Variants in GSTCD observed in about 807,000 individuals in gnomAD.
The protein encoded by GSTCD is glutathione S-transferase C-terminal domain containing.
GSTCD carries 44 observed loss-of-function variants against 68.3 expected under a neutral mutation model. The observed-to-expected ratio is 0.64, with a 90% CI of 0.51 to 0.83. The LOEUF (loss-of-function observed/expected upper bound fraction) is 0.83. GSTCD is among the 40% of genes least tolerant of loss of function. The pLI is 0.00. For missense variants in GSTCD, 739 were observed against 735.9 expected (o/e 1.00, Z -0.05); for synonymous variants, 273 against 255.2 (o/e 1.07, Z -0.67).
intron 5 of GSTCD, among the ~76,000 whole-genome samples, chr4:105,732,867 T>C (rs1418235266): frequency 3.3e-5 from 5 of 152,244 alleles, no homozygotes; most frequent in African/African-American, 1.2e-4. Flanking sequence ...TTTAAATGTG[T>C]CCCAGAGATT....
chr4:105,743,714 G>A lies in GSTCD; in HGVS notation c.1240+14215G>A, dbSNP rs112105213. On this transcript the variant is annotated intron_variant, in intron 5 of 11. Coordinates refer to ENST00000515279, the MANE Select transcript of GSTCD (RefSeq NM_001370181.1). ...GGCTCTGTCGTCCAGGCTGGAGTGC[G>A]GTGGCACGATCTTGGCTTACTGCAA... is the stretch of plus-strand genomic sequence containing the variant. Among the ~76,000 whole-genome samples, 939 of 142,310 alleles carry A rather than the reference G, an allele frequency of 6.6e-3. 14 individuals carry two copies. Among genetic ancestry groups the A allele is most frequent in the African/African-American group, 0.023 (884 of 37,854 alleles). 93.4% of individuals were successfully genotyped at this position (142,310 alleles called of 152,430 possible). A position where few individuals can be genotyped will look rare whatever the true frequency, so the allele number is the denominator to read the frequency against.
At chr4:105,714,861 A>C (rs1732638621) in intron 1 of GSTCD, among the ~76,000 whole-genome samples, 1 of 152,160 alleles carries the variant, frequency 6.6e-6, no homozygotes, top group Non-Finnish European at 1.5e-5. Context: ...AGTTTATAGA[A>C]TATGTCTAAA....
At chr4:105,837,317 T>C (rs1298797114) in intron 9 of GSTCD, among the ~76,000 whole-genome samples, 4 of 152,136 alleles carry the variant, frequency 2.6e-5, no homozygotes, top group African/African-American at 9.7e-5. Context: ...GGGCCAGATA[T>C]CAAACAAGTA....
intron 5 of GSTCD, among the ~76,000 whole-genome samples, chr4:105,768,560 T>C (rs1734711843): frequency 6.6e-6 from 1 of 152,146 alleles, no homozygotes. Flanking sequence ...TTTTATATAT[T>C]TGAGGTTTGC....
In GSTCD at chr4:105,808,745, GAAATAAACAATTTATAACTTTTAA is replaced by G. The variant is rs1366938072; in HGVS notation, c.1241-14207_1241-14184del. On this transcript the variant is annotated intron_variant, in intron 5 of 11. Coordinates refer to ENST00000515279, the MANE Select transcript of GSTCD (RefSeq NM_001370181.1). ...CAAAAATATTAAATGAAAAATTCCA[GAAATAAACAATTTATAACTTTTAA>G]ATAGCACATCATTCTAAGTAGCATG... Among the ~76,000 whole-genome samples the G allele has an allele frequency of 1.9e-4, 29 of 152,178 alleles. No homozygotes were observed. The South Asian group carries it at 2.9e-3, about 15-fold the overall frequency.
chr4:105,709,626 A>T (rs1166609045), intron 1 of GSTCD, among the ~76,000 whole-genome samples: 24 of 152,014 alleles, frequency 1.6e-4, no homozygotes, highest in African/African-American at 5.8e-4. Context: ...TCCCATCCCA[A>T]CTTTCTACCT....
At chr4:105,781,888 G>T (rs1375182729) in intron 5 of GSTCD, among the ~76,000 whole-genome samples, 2 of 151,232 alleles carry the variant, frequency 1.3e-5, no homozygotes, top group Non-Finnish European at 2.9e-5. Context: ...GTCAGGAATT[G>T]CCATAGTGCT....
At chr4:105,814,264 C>G (rs906893220) in intron 5 of GSTCD, among the ~76,000 whole-genome samples, 2 of 152,184 alleles carry the variant, frequency 1.3e-5, no homozygotes, top group Non-Finnish European at 2.9e-5. Flanking sequence ...GCTTTCTCTG[C>G]CTAGCCCTTT....
intron 1 of GSTCD, among the ~76,000 whole-genome samples, chr4:105,715,763 C>T (rs1356036900): frequency 2.0e-5 from 3 of 147,138 alleles, no homozygotes; most frequent in African/African-American, 7.8e-5. Flanking sequence ...TTTGAATACA[C>T]TTAAAAGACA....
At chr4:105,740,206 A>G (rs1290170184) in intron 5 of GSTCD, among the ~76,000 whole-genome samples, 1 of 152,042 alleles carries the variant, frequency 6.6e-6, no homozygotes, top group Non-Finnish European at 1.5e-5. Flanking sequence ...GATGACAGCT[A>G]TGCGGACTAC....
chr4:105,731,450 C>T (rs977735740), intron 5 of GSTCD, among the ~76,000 whole-genome samples: 5 of 152,196 alleles, frequency 3.3e-5, no homozygotes, highest in Admixed American at 6.5e-5. Flanking sequence ...CCTTCACATC[C>T]CTTGTAAGTT....
chr4:105,819,519 AG>A (rs1046395250), intron 5 of GSTCD, among the ~76,000 whole-genome samples: 1 of 151,784 alleles, frequency 6.6e-6, no homozygotes, highest in Non-Finnish European at 1.5e-5. Flanking sequence ...GCATATAAGT[AG>A]GTATCTTACT....
intron 7 of GSTCD, 130 bp downstream of exon 7, chr4:105,823,405 T>C: frequency 3.2e-6 from 2 of 621,706 alleles, no homozygotes; most frequent in Non-Finnish European, 5.6e-6. Context: ...AGGCATTGTC[T>C]TTTCTTTGAA....
At chr4:105,788,651 T>C (rs969628158) in intron 5 of GSTCD, among the ~76,000 whole-genome samples, 5 of 152,086 alleles carry the variant, frequency 3.3e-5, no homozygotes, top group Non-Finnish European at 7.4e-5. Context: ...GATACACATC[T>C]TTATCACAGT....
intron 5 of GSTCD, among the ~76,000 whole-genome samples, chr4:105,804,364 A>G (rs1217207399): frequency 5.3e-5 from 8 of 152,134 alleles, no homozygotes; most frequent in African/African-American, 1.9e-4. Flanking sequence ...AAATTATAGT[A>G]TGTCTTCTAA....
chr4:105,795,049 T>C (rs1351702962), intron 5 of GSTCD, among the ~76,000 whole-genome samples: 1 of 151,918 alleles, frequency 6.6e-6, no homozygotes, highest in East Asian at 1.9e-4. Context: ...TAATTTTTTG[T>C]ATTTTTGGTA....
In GSTCD at chr4:105,762,385, G is replaced by A. The variant is rs1333622686; in HGVS notation, c.1240+32886G>A. Among the ~76,000 whole-genome samples the A allele has an allele frequency of 5.3e-5, 8 of 152,110 alleles. No individual in the cohort carries two copies. In the South Asian group the frequency reaches 1.7e-3, roughly 31 times the overall value. The stretch of plus-strand genomic sequence containing the variant: ...ATAGTTTATTTGGAGTCAGTTATTT[G>A]TTCTGGGTTAATTAACACATCTGAT... On this transcript the variant is annotated intron_variant, in intron 5 of 11. Coordinates refer to ENST00000515279, the MANE Select transcript of GSTCD (RefSeq NM_001370181.1).
chr4:105,787,297 C>G (rs1443775436), intron 5 of GSTCD, among the ~76,000 whole-genome samples: 1 of 152,036 alleles, frequency 6.6e-6, no homozygotes, highest in Non-Finnish European at 1.5e-5. Context: ...TAAAAGTTTG[C>G]TTTTCTAAGC....
rs555006490 is a variant in GSTCD at position 105,710,076 on chromosome 4, G to A, written c.-22+1060G>A. 6.6e-5 allele frequency among the ~76,000 whole-genome samples: 10 copies of A among 151,522 alleles called. No individual in the cohort carries two copies. In the East Asian group the frequency reaches 1.7e-3, roughly 26 times the overall value. ...TGTTTGTATTACACCTGAAAGTATC[G>A]TTTTGTGAGGTCTCACTTCAAAAAT... is the stretch of plus-strand genomic sequence containing the variant. On this transcript the variant is annotated intron_variant, in intron 1 of 11. Transcript: ENST00000515279.
Sources: allele counts gnomAD v4.1 joint callset (sites outside exome capture counted in the v4.1 genomes callset), GRCh38; gene constraint gnomAD v4.1.1; transcripts MANE v1.5; gene names NCBI Gene and HGNC (gene_info 2026-07-23, HGNC 2026-07-21).